The following TPX2 variants were observed in gnomAD, a reference collection of about 807,000 sequenced individuals.
The protein encoded by TPX2 is TPX2 microtubule nucleation factor.
Under a neutral mutation model 93.6 loss-of-function variants are expected in TPX2, and 21 were observed. The observed-to-expected ratio is 0.22, with a 90% confidence interval of 0.16 to 0.32. The LOEUF is 0.32. Ranked by LOEUF, TPX2 falls within the 10% of genes least tolerant of loss-of-function variation. The pLI is 1.00. For synonymous variants in TPX2, 281 were observed against 298.3 expected (o/e 0.94, Z 0.60); for missense variants, 776 against 871.1 (o/e 0.89, Z 1.37).
At chr20:31,783,668 A>C (rs756431955) in intron 11 of TPX2, 37 bp from the exon 12 acceptor site, 8 of 1,572,170 alleles carry the variant, frequency 5.1e-6, no homozygotes, top group Non-Finnish European at 6.0e-6. Flanking sequence ...ATTTTATTAA[A>C]ATTTTTTTTG....
At chr20:31,766,743 GACAGA>G (rs1489832928) in intron 5 of TPX2, 61 bp downstream of exon 5, 1 of 1,547,656 alleles carries the variant, frequency 6.5e-7, no homozygotes, top group East Asian at 2.3e-5. Context: ...ATAGTTACTG[GACAGA>G]ACATCTATTA....
rs1304127407 is a variant in TPX2, at chr20:31,783,845, C to T, written c.1337C>T (p.Ser446Leu). 1 of 1,608,686 alleles carries T rather than the reference C, an allele frequency of 6.2e-7. No homozygotes were observed. The highest frequency in any genetic ancestry group is 1.1e-5 in the South Asian group (1 of 89,478). ...EIEKRIQERE[S>L]KKKTEDEHFE... is the part of the protein sequence containing the mutation. ...GAGAAAAGAATCCAGGAGCGAGAAT[C>T]AAAGAAGAAAACAGAGGATGAACAC... The change falls in exon 12 of 18, where the codon TCA (serine) becomes TTA (leucine). Residue 446 changes from serine (S) to leucine (L), a missense_variant. Ser to Leu is a moderately radical substitution (Grantham distance 145). Around this residue, in one of 3 missense-constraint regions of TPX2, gnomAD observed 461 missense variants for 551.2 expected, o/e 0.84. Transcript: ENST00000300403.
chr20:31,777,694 C>T lies in TPX2; in HGVS notation c.882+56C>T, dbSNP rs1324087357. ...TTACTAATATTCATTTAGGATTTTA[C>T]GTGTAGCATTTGTGGTCACTGTTTA... is the stretch of plus-strand genomic sequence containing the variant. On this transcript the variant is annotated intron_variant, in intron 9 of 17. Transcript: ENST00000300403. 2.7e-5 allele frequency: 43 copies of T among 1,565,358 alleles called. No homozygotes were observed. In the Middle Eastern group the frequency reaches 5.1e-4, roughly 19 times the overall value.
intron 7 of TPX2, among the ~76,000 whole-genome samples, chr20:31,772,684 A>G (rs1221096214): frequency 6.6e-6 from 1 of 152,114 alleles, no homozygotes; most frequent in African/African-American, 2.4e-5. Context: ...ATTATTTCAG[A>G]TTTTGTTTCT....
intron 11 of TPX2, among the ~76,000 whole-genome samples, chr20:31,782,627 C>T (rs980194922): frequency 6.6e-6 from 1 of 151,968 alleles, no homozygotes; most frequent in East Asian, 1.9e-4. Context: ...GTGGTTCACA[C>T]CTGTAATCCC....
At chr20:31,791,077 A>G (rs2062097459) in intron 12 of TPX2, among the ~76,000 whole-genome samples, 1 of 152,116 alleles carries the variant, frequency 6.6e-6, no homozygotes, top group Non-Finnish European at 1.5e-5. Context: ...CCATTTGGGG[A>G]GCGATCAGTA....
chr20:31,774,280 C>T (rs1053407638), intron 7 of TPX2, among the ~76,000 whole-genome samples: 2 of 152,160 alleles, frequency 1.3e-5, no homozygotes, highest in East Asian at 1.9e-4. Context: ...ACTCTTTAAT[C>T]GTCATCTCCC....
intron 2 of TPX2, among the ~76,000 whole-genome samples, chr20:31,749,792 T>C (rs2061807329): frequency 6.6e-6 from 1 of 151,816 alleles, no homozygotes; most frequent in South Asian, 2.1e-4. Context: ...TGAAACTCTG[T>C]CTCAAAAAAA....
At chr20:31,765,334 G>GTT (rs2061918469) in intron 4 of TPX2, among the ~76,000 whole-genome samples, 1 of 139,406 alleles carries the variant, frequency 7.2e-6, no homozygotes, top group Non-Finnish European at 1.5e-5. Flanking sequence ...AAAAAAAAAC[G>GTT]TTTATCAAAA....
At chr20:31,775,759 G>A in intron 7 of TPX2, 108 bp from the exon 8 acceptor site, 2 of 1,195,170 alleles carry the variant, frequency 1.7e-6, no homozygotes, top group Non-Finnish European at 2.1e-6. Flanking sequence ...TGGTTTTGAT[G>A]ATTATCTTAT....
In TPX2 at chr20:31,766,636, G is replaced by C. The variant is rs1600371026; in HGVS notation, c.310G>C (p.Glu104Gln). 4 of 1,613,724 alleles carry C rather than the reference G, an allele frequency of 2.5e-6. No homozygotes were observed. In the Middle Eastern group the frequency reaches 5.0e-4, roughly 200 times the overall value. ...SIPSNACSSL[E>Q]VEAAISRKTP... is the part of the protein sequence containing the mutation. ...TCCGTCAAATGCTTGTTCTTCCCTG[G>C]AAGTTGAGGCAGCCATATCAAGAAA... Residue 104 changes from glutamate (E) to glutamine (Q), a missense_variant, in exon 5 of 18, where the codon GAA (glutamate) becomes CAA (glutamine). Glu to Gln is a conservative substitution (Grantham distance 29, BLOSUM62 2). Transcript: ENST00000300403.
intron 7 of TPX2, among the ~76,000 whole-genome samples, chr20:31,773,072 G>T (rs1247492089): frequency 6.7e-6 from 1 of 149,062 alleles, no homozygotes; most frequent in Non-Finnish European, 1.5e-5. Context: ...CGCCTCCTGG[G>T]TTCAAGTGAT....
intron 2 of TPX2, among the ~76,000 whole-genome samples, chr20:31,754,308 T>C (rs1325514887): frequency 6.6e-6 from 1 of 152,130 alleles, no homozygotes; most frequent in African/African-American, 2.4e-5. Context: ...CTCGAATTCC[T>C]GACCTCAAGT....
intron 1 of TPX2, among the ~76,000 whole-genome samples, chr20:31,740,435 C>T (rs1289009839): frequency 1.3e-5 from 2 of 152,150 alleles, no homozygotes; most frequent in Non-Finnish European, 2.9e-5. Context: ...TGTATTACAT[C>T]ACCCCCACGT....
intron 12 of TPX2, among the ~76,000 whole-genome samples, chr20:31,790,871 G>A (rs2062096067): frequency 6.6e-6 from 1 of 152,096 alleles, no homozygotes; most frequent in Non-Finnish European, 1.5e-5. Context: ...GTTTTGTATG[G>A]ACTGTGATAA....
chr20:31,766,812 T>A, intron 5 of TPX2, 130 bp downstream of exon 5: 1 of 1,066,098 alleles, frequency 9.4e-7, no homozygotes, highest in Non-Finnish European at 1.2e-6. Flanking sequence ...TTTTTTTTTT[T>A]TTTTGAGACG....
chr20:31,740,247 G>T (rs1162397616), intron 1 of TPX2, among the ~76,000 whole-genome samples: 1 of 152,176 alleles, frequency 6.6e-6, no homozygotes, highest in African/African-American at 2.4e-5. Flanking sequence ...TAGGATAGAA[G>T]AGGATTTTTG....
chr20:31,799,897 CAAAAAAAAA>C (rs533016889), intron 17 of TPX2, among the ~76,000 whole-genome samples: 19 of 63,988 alleles, frequency 3.0e-4, no homozygotes, highest in African/African-American at 1.0e-3. Context: ...GAGACTGTCT[CAAAAAAAAA>C]AAAAAAAAAA....
chr20:31,777,497 G>A lies in TPX2; in HGVS notation c.741G>A (p.Val247=). 1 of 1,613,942 alleles carries A rather than the reference G, an allele frequency of 6.2e-7. No individual in the cohort carries two copies. The highest frequency in any genetic ancestry group is 1.1e-5 in the South Asian group (1 of 91,012). The change falls in exon 9 of 18, where the codon GTG becomes GTA. Residue 247 remains valine, a synonymous_variant. Coordinates refer to ENST00000300403, the MANE Select transcript of TPX2 (RefSeq NM_012112.5). ...GTGTTCATCTCTCAGGGCAACCTGT[G>A]AAGAAATCAGTGAGCCAGGTCACCA... is the stretch of plus-strand genomic sequence containing the variant. ...KLALAGIGQP[V]KKSVSQVTKS...
Sources: allele counts gnomAD v4.1 joint callset (sites outside exome capture counted in the v4.1 genomes callset), GRCh38; gene constraint gnomAD v4.1.1; regional missense constraint gnomAD v4.1.1; transcripts MANE v1.5; gene names NCBI Gene and HGNC (gene_info 2026-07-23, HGNC 2026-07-21).